The following ATN1 variants were observed in gnomAD, a reference collection of about 807,000 sequenced individuals.
ATN1 encodes atrophin 1.
Under a neutral mutation model 85.8 loss-of-function variants are expected in ATN1, and 19 were observed. That is an observed-to-expected ratio of 0.22 (90% CI 0.15 to 0.32). ATN1 has a LOEUF of 0.32. Ranked by LOEUF, ATN1 falls within the 10% of genes least tolerant of loss-of-function variation. The pLI is 1.00. For missense variants in ATN1, 1,453 were observed against 1,564.5 expected (o/e 0.93, Z 1.20); for synonymous variants, 674 against 657.0 (o/e 1.03, Z -0.39).
chr12:6,924,542 G>A, upstream of ATN1: 1 of 152,652 alleles, frequency 6.6e-6, no homozygotes, highest in Non-Finnish European at 1.5e-5. Flanking sequence ...GCGAAGGTCT[G>A]GTCCTGGCTC....
chr12:6,929,825 ATTATG>A (rs1249221549), intron 1 of ATN1, among the ~76,000 whole-genome samples: 58 of 152,258 alleles, frequency 3.8e-4, no homozygotes, highest in African/African-American at 1.2e-3. Context: ...TACCTCCCTT[ATTATG>A]TTATTTTTTG....
intron 1 of ATN1, among the ~76,000 whole-genome samples, chr12:6,929,659 G>T (rs190053894): frequency 6.6e-6 from 1 of 152,106 alleles, no homozygotes; most frequent in East Asian, 1.9e-4. Flanking sequence ...GTTTCCCCAC[G>T]GTGTGCACCC....
intron 1 of ATN1, among the ~76,000 whole-genome samples, chr12:6,928,714 G>A (rs1358314208): frequency 6.6e-6 from 1 of 152,200 alleles, no homozygotes; most frequent in African/African-American, 2.4e-5. Context: ...CATCGAGGCC[G>A]GGGTTGGCGG....
In ATN1 at chr12:6,939,163, A is replaced by G. The variant is rs782105308; in HGVS notation, c.3200A>G (p.Asp1067Gly). 6.3e-7 allele frequency: 1 copy of G among 1,597,960 alleles called. No individual in the cohort carries two copies. Among genetic ancestry groups the G allele is most frequent in the South Asian group, 1.1e-5 (1 of 90,928 alleles). The change falls in exon 7 of 10, where the codon GAT (aspartate) becomes GGT (glycine). Residue 1067 changes from aspartate to glycine, a missense_variant. Physicochemically the swap from Asp to Gly is moderately conservative, Grantham distance 94. Around this residue, in one of 6 missense-constraint regions of ATN1, gnomAD observed 118 missense variants for 163.7 expected, o/e 0.72. Transcript: ENST00000396684. Reference sequence around the variant, plus strand: ...TCGCACCTGCACCTGCACCAGCAAGATGCTATCCATGCAGGTGAGACCCCT... The same window carrying G: ...TCGCACCTGCACCTGCACCAGCAAGGTGCTATCCATGCAGGTGAGACCCCT... ...IHSHLHLHQQ[D>G]AIHAASASVH... is the part of the protein sequence containing the mutation.
Position 6,937,647 on chromosome 12 carries a change from T to C in ATN1, c.2294+86T>C. 1 of 1,432,322 alleles carries C rather than the reference T, an allele frequency of 7.0e-7. No individual in the cohort carries two copies. The highest frequency in any genetic ancestry group is 9.2e-7 in the Non-Finnish European group (1 of 1,091,034). 88.7% of individuals were successfully genotyped at this position (1,432,322 alleles called of 1,614,324 possible). A position where few individuals can be genotyped will look rare whatever the true frequency, so the allele number is the denominator to read the frequency against. On this transcript the variant is annotated intron_variant, in intron 5 of 9. Transcript: ENST00000396684. This position sits in a 1 kb window ranked among gnomAD's most constrained non-coding sequence, Gnocchi z 6.0. ...AGAGAGGGAGTAGCAGGGAGGGGCC[T>C]TGCGCTGGTGTAGTGTTTTAGAAAA... is the stretch of plus-strand genomic sequence containing the variant.
rs1555144251 is a variant in ATN1, at chr12:6,938,726, G to A, written c.2763G>A (p.Pro921=). ...VDPGLLGYNV[P]ALYSSDPAAR... is the part of the protein sequence containing the mutation. ...CGGGGCTCCTGGGTTACAATGTCCCGGCCCTGTACAGCAGTGATCCAGCTG... is the reference window on the plus strand; with the variant it reads ...CGGGGCTCCTGGGTTACAATGTCCCAGCCCTGTACAGCAGTGATCCAGCTG... Residue 921 remains proline, a synonymous_variant, in exon 7 of 10, where the codon CCG becomes CCA. Transcript: ENST00000396684. 2.5e-6 allele frequency: 4 copies of A among 1,613,958 alleles called. No homozygotes were observed. In the South Asian group the frequency reaches 4.4e-5, roughly 18 times the overall value.
intron 1 of ATN1, among the ~76,000 whole-genome samples, chr12:6,932,655 C>T (rs1945480338): frequency 6.6e-6 from 1 of 152,214 alleles, no homozygotes; most frequent in African/African-American, 2.4e-5. Flanking sequence ...ACTGGTACAT[C>T]TGTGTTGTTT....
In ATN1 at chr12:6,938,817, G is replaced by A; in HGVS notation, c.2854G>A (p.Val952Met). ...LRDRLKPGFEVKPSELEPLHG... is the reference protein window; with the variant it reads ...LRDRLKPGFEMKPSELEPLHG... ...TGACCGCCTCAAGCCTGGCTTTGAG[G>A]TGAAGCCTAGTGAGCTGGAACCCCT... Residue 952 changes from valine to methionine, a missense_variant, in exon 7 of 10, where the codon GTG becomes ATG. Physicochemically the swap from Val to Met is conservative, Grantham distance 21 (BLOSUM62 1). Transcript: ENST00000396684. 4 of 1,614,198 alleles carry A rather than the reference G, an allele frequency of 2.5e-6. No individual in the cohort carries two copies.
intron 1 of ATN1, among the ~76,000 whole-genome samples, chr12:6,932,391 CAAG>C (rs1398864647): frequency 6.6e-6 from 1 of 152,140 alleles, no homozygotes; most frequent in Non-Finnish European, 1.5e-5. Flanking sequence ...AGGTCAATCA[CAAG>C]AAGAGCGCAC....
At chr12:6,933,800 G>T in intron 1 of ATN1, 40 bp from the exon 2 acceptor site, 1 of 640,216 alleles carries the variant, frequency 1.6e-6, no homozygotes, top group South Asian at 2.0e-5. Context: ...TTGTGACTCT[G>T]TTCTCCAAGT....
rs1945532057 is a variant in ATN1 at position 6,936,308 on chromosome 12, G to A, written c.1041G>A (p.Glu347=). Residue 347 remains glutamate, a synonymous_variant, in exon 5 of 10, where the codon GAG becomes GAA. Coordinates refer to ENST00000396684, the MANE Select transcript of ATN1 (RefSeq NM_001940.4). ...TGGGTGGACTTCCTCCTGGCCCAGA[G>A]AAGGGCCCAACTCTGGCTCCTTCAC... ...QGMGGLPPGP[E]KGPTLAPSPH... The A allele has an allele frequency of 1.2e-6, 2 of 1,613,926 alleles. No homozygotes were observed. Among genetic ancestry groups the A allele is most frequent in the African/African-American group, 1.3e-5 (1 of 74,976 alleles).
rs2138216701 is a variant in ATN1, at chr12:6,937,687, T to C, written c.2294+126T>C. 7.0e-7 allele frequency: 1 copy of C among 1,432,486 alleles called. No homozygotes were observed. The highest frequency in any genetic ancestry group is 9.2e-7 in the Non-Finnish European group (1 of 1,092,686). 88.7% of individuals were successfully genotyped at this position (1,432,486 alleles called of 1,614,324 possible). Reference sequence around the variant, plus strand: ...GTTTTAGAAAAGCACGCCCCTCTCCTCCGTCCAGGCCTAGTGGCCAGTGAG... The same window carrying C: ...GTTTTAGAAAAGCACGCCCCTCTCCCCCGTCCAGGCCTAGTGGCCAGTGAG... On this transcript the variant is annotated intron_variant, in intron 5 of 9. Coordinates refer to ENST00000396684, the MANE Select transcript of ATN1 (RefSeq NM_001940.4). This position sits in a 1 kb window ranked among gnomAD's most constrained non-coding sequence, Gnocchi z 6.0.
intron 1 of ATN1, among the ~76,000 whole-genome samples, chr12:6,928,674 C>T (rs925647834): frequency 5.9e-5 from 9 of 152,086 alleles, no homozygotes; most frequent in Non-Finnish European, 1.0e-4. Flanking sequence ...CAGAGGGTAT[C>T]CGGGACCCGC....
intron 1 of ATN1, among the ~76,000 whole-genome samples, chr12:6,930,042 C>A (rs1305743753): frequency 2.0e-5 from 3 of 152,202 alleles, no homozygotes; most frequent in Non-Finnish European, 2.9e-5. Flanking sequence ...GAAACAGCTT[C>A]ATGCAGGGGA....
rs782454340 is a variant in ATN1 at position 6,938,582 on chromosome 12, C to G, written c.2619C>G (p.Pro873=). ...FEPGSAVATV[P]PYLGPDTPAL... ...CGGGCAGTGCGGTGGCTACAGTGCC[C>G]CCCTACCTGGGTCCTGACACTCCAG... The change falls in exon 7 of 10, where the codon CCC becomes CCG. Residue 873 remains proline (P), a synonymous_variant. Coordinates refer to ENST00000396684, the MANE Select transcript of ATN1 (RefSeq NM_001940.4). The G allele has an allele frequency of 1.0e-4, 169 of 1,614,106 alleles. No individual in the cohort carries two copies. In the Admixed American group the frequency reaches 2.7e-3, roughly 26 times the overall value.
At chr12:6,926,465 C>T (rs1044820953), upstream of ATN1, among the ~76,000 whole-genome samples, 2 of 150,302 alleles carry the variant, frequency 1.3e-5, no homozygotes, top group Non-Finnish European at 3.0e-5. Context: ...GCCCTCGTTT[C>T]CCATCTCCAT....
rs781939581 is a variant in ATN1 at position 6,937,209 on chromosome 12, G to T, written c.1942G>T (p.Ala648Ser). 3.1e-6 allele frequency: 5 copies of T among 1,611,254 alleles called. No individual in the cohort carries two copies. In the African/African-American group the frequency reaches 5.3e-5, roughly 17 times the overall value. The change falls in exon 5 of 10, where the codon GCC becomes TCC. Residue 648 changes from alanine (A) to serine (S), a missense_variant. Around this residue, in one of 6 missense-constraint regions of ATN1, gnomAD observed 990 missense variants for 914.8 expected, o/e 1.08. Transcript: ENST00000396684. This position sits in a 1 kb window ranked among gnomAD's most constrained non-coding sequence, Gnocchi z 6.0. ...CGGAAAGAGAGCCCCGTCCCCGGGG[G>T]CCTACAAGACAGCCACCCCACCCGG... is the stretch of plus-strand genomic sequence containing the variant. The part of the protein sequence containing the change: ...PYGKRAPSPG[A>S]YKTATPPGYK...
In ATN1 at chr12:6,937,686, C is replaced by T; in HGVS notation, c.2294+125C>T. 1 of 1,432,368 alleles carries T rather than the reference C, an allele frequency of 7.0e-7. No homozygotes were observed. The highest frequency in any genetic ancestry group is 9.2e-7 in the Non-Finnish European group (1 of 1,092,452). 88.7% of individuals were successfully genotyped at this position (1,432,368 alleles called of 1,614,324 possible). A position where few individuals can be genotyped will look rare whatever the true frequency, so the allele number is the denominator to read the frequency against. On this transcript the variant is annotated intron_variant, in intron 5 of 9. Coordinates refer to ENST00000396684, the MANE Select transcript of ATN1 (RefSeq NM_001940.4). The surrounding 1 kb of genome is among the most constrained non-coding windows in gnomAD (Gnocchi z 6.0). ...TGTTTTAGAAAAGCACGCCCCTCTC[C>T]TCCGTCCAGGCCTAGTGGCCAGTGA... is the stretch of plus-strand genomic sequence containing the variant.
intron 1 of ATN1, among the ~76,000 whole-genome samples, chr12:6,931,762 A>ACC (rs1214070003): frequency 7.4e-6 from 1 of 134,738 alleles, no homozygotes; most frequent in Non-Finnish European, 1.6e-5. Flanking sequence ...GGCCGGGCAC[A>ACC]GTGGCTCACG....
Sources: gnomAD v4.1 joint callset for allele counts (sites outside exome capture counted in the v4.1 genomes callset) on GRCh38, gnomAD v4.1.1 for gene constraint, gnomAD v4.1.1 regional missense constraint, Gnocchi (gnomAD v3.1) non-coding constraint, MANE v1.5 for transcripts, NCBI Gene and HGNC (gene_info 2026-07-23, HGNC 2026-07-21) for gene names.